The following CNBD1 variants were observed in gnomAD, a reference collection of about 807,000 sequenced individuals.
CNBD1 encodes the protein cyclic nucleotide binding domain containing 1.
A neutral mutation model predicts 54.4 loss-of-function variants in CNBD1; 71 were observed. The ratio of observed to expected loss-of-function variants is 1.30; its 90% CI spans 1.08 to 1.59. The LOEUF is 1.59. CNBD1 is among the 40% of genes most tolerant of loss of function. CNBD1 has a pLI of 0.00. For synonymous variants in CNBD1, 182 were observed against 170.7 expected, an observed-to-expected ratio of 1.07 and a Z score of -0.51; for missense variants, 659 against 518.0, an observed-to-expected ratio of 1.27 and a Z score of -2.64.
At chr8:87,032,439 C>A (rs772454535) in intron 4 of CNBD1, among the ~76,000 whole-genome samples, 5 of 152,052 alleles carry the variant, frequency 3.3e-5, no homozygotes, top group Non-Finnish European at 7.4e-5. Context: ...TTAAGAAGAT[C>A]ATAGGAAAGA....
downstream of CNBD1, among the ~76,000 whole-genome samples, chr8:87,383,960 T>C (rs1811137769): frequency 1.3e-5 from 2 of 152,106 alleles, no homozygotes; most frequent in South Asian, 4.1e-4. Context: ...CTAAATTTTA[T>C]TGTTTGCCAG....
chr8:86,898,539 T>TTG (rs1233250705), intron 2 of CNBD1, among the ~76,000 whole-genome samples: 1 of 152,134 alleles, frequency 6.6e-6, no homozygotes, highest in East Asian at 1.9e-4. Flanking sequence ...CAACTGATCT[T>TTG]TAACAAAGGA....
At chr8:87,150,594 G>C (rs1812583429) in intron 4 of CNBD1, among the ~76,000 whole-genome samples, 1 of 152,192 alleles carries the variant, frequency 6.6e-6, no homozygotes, top group Non-Finnish European at 1.5e-5. Flanking sequence ...AATTGTAATA[G>C]AGGTCAAAAT....
intron 4 of CNBD1, among the ~76,000 whole-genome samples, chr8:87,041,179 A>G (rs1012106858): frequency 2.6e-5 from 4 of 152,278 alleles, no homozygotes; most frequent in East Asian, 3.9e-4. Flanking sequence ...AAGAACTACT[A>G]TGAAGCCAGA....
In CNBD1 at chr8:87,424,205, G is replaced by T. The variant is rs547891830; in HGVS notation, c.214-4341G>T. Among the ~76,000 whole-genome samples the T allele has an allele frequency of 8.3e-3, 1,261 of 151,510 alleles. 18 individuals carry two copies. Among genetic ancestry groups the T allele is most frequent in the African/African-American group, 0.027 (1,105 of 41,010 alleles). Reference sequence around the variant, plus strand: ...GTCTTGCTAGCGGTCTATCTATTTTGTTGATCCTTTCAAAATACCAGCTCC... The same window carrying T: ...GTCTTGCTAGCGGTCTATCTATTTTTTTGATCCTTTCAAAATACCAGCTCC... On this transcript the variant is annotated intron_variant, in intron 2 of 7. Transcript: ENST00000521593.
chr8:87,355,703 A>G (rs1260050824), intron 10 of CNBD1, among the ~76,000 whole-genome samples: 1 of 152,212 alleles, frequency 6.6e-6, no homozygotes, highest in Non-Finnish European at 1.5e-5. Context: ...GCTTCAACAG[A>G]CTAAATTGAA....
intron 4 of CNBD1, among the ~76,000 whole-genome samples, chr8:87,025,465 G>A (rs1809621227): frequency 6.6e-6 from 1 of 152,192 alleles, no homozygotes; most frequent in Non-Finnish European, 1.5e-5. Context: ...CAAACCCAGT[G>A]AGTGGAACAA....
intron 4 of CNBD1, among the ~76,000 whole-genome samples, chr8:87,145,191 C>T (rs1307605459): frequency 6.6e-6 from 1 of 151,898 alleles, no homozygotes; most frequent in Non-Finnish European, 1.5e-5. Flanking sequence ...GTCAAAGCAG[C>T]CAGTGAGAAA....
intron 4 of CNBD1, among the ~76,000 whole-genome samples, chr8:87,060,808 G>A (rs1586229777): frequency 6.6e-6 from 1 of 151,968 alleles, no homozygotes; most frequent in African/African-American, 2.4e-5. Flanking sequence ...TATATAGGGA[G>A]CAAATCCAAT....
At chr8:87,377,492 G>A (rs1241724036) in intron 10 of CNBD1, among the ~76,000 whole-genome samples, 2 of 151,332 alleles carry the variant, frequency 1.3e-5, no homozygotes, top group Non-Finnish European at 2.9e-5. Flanking sequence ...TCATCATTTT[G>A]TATGGCTGCA....
intron 2 of CNBD1, among the ~76,000 whole-genome samples, chr8:87,428,292 G>A (rs1335887449): frequency 6.6e-6 from 1 of 152,076 alleles, no homozygotes; most frequent in Admixed American, 6.6e-5. Flanking sequence ...CACATGTTAA[G>A]TACTAAACAA....
chr8:87,356,119 G>T (rs1810415322), intron 10 of CNBD1, among the ~76,000 whole-genome samples: 1 of 152,112 alleles, frequency 6.6e-6, no homozygotes, highest in Non-Finnish European at 1.5e-5. Context: ...CTGGCAAACT[G>T]TGAGCCAAAT....
intron 4 of CNBD1, among the ~76,000 whole-genome samples, chr8:87,186,288 C>G (rs918580468): frequency 6.6e-6 from 1 of 152,014 alleles, no homozygotes; most frequent in Admixed American, 6.6e-5. Flanking sequence ...TCTTCTGCAG[C>G]CTTCCTCATC....
At chr8:87,296,286 T>C (rs2130878168) in intron 8 of CNBD1, among the ~76,000 whole-genome samples, 1 of 152,300 alleles carries the variant, frequency 6.6e-6, no homozygotes, top group Non-Finnish European at 1.5e-5. Flanking sequence ...TGGCAATACA[T>C]ACTTTTGGGA....
intron 4 of CNBD1, among the ~76,000 whole-genome samples, chr8:87,026,341 C>T (rs943655665): frequency 6.6e-6 from 1 of 151,444 alleles, no homozygotes; most frequent in African/African-American, 2.4e-5. Context: ...TTCTTGCTTC[C>T]TTCCCTTCTC....
chr8:87,304,985 A>G (rs1298470543), intron 8 of CNBD1, among the ~76,000 whole-genome samples: 1 of 152,156 alleles, frequency 6.6e-6, no homozygotes, highest in East Asian at 1.9e-4. Context: ...TTTGCTAACA[A>G]GATGATTGTT....
intron 8 of CNBD1, among the ~76,000 whole-genome samples, chr8:87,314,018 C>T (rs997773375): frequency 6.6e-6 from 1 of 151,858 alleles, no homozygotes; most frequent in Non-Finnish European, 1.5e-5. Context: ...CTCCAGAGTA[C>T]CAAAGCACAT....
intron 8 of CNBD1, among the ~76,000 whole-genome samples, chr8:87,305,726 T>C (rs955041801): frequency 3.9e-5 from 6 of 152,118 alleles, no homozygotes; most frequent in Admixed American, 2.6e-4. Flanking sequence ...AACTGGATCC[T>C]CATCTCTCAC....
chr8:87,421,615 T>A (rs1244180403), intron 2 of CNBD1, among the ~76,000 whole-genome samples: 1 of 152,104 alleles, frequency 6.6e-6, no homozygotes, highest in African/African-American at 2.4e-5. Context: ...TCATCATTTT[T>A]ATGGCTGCAT....
Sources: gnomAD v4.1 joint callset for allele counts (sites outside exome capture counted in the v4.1 genomes callset) on GRCh38, gnomAD v4.1.1 for gene constraint, MANE v1.5 for transcripts, NCBI Gene and HGNC (gene_info 2026-07-23, HGNC 2026-07-21) for gene names.